AGMO: variants seen among roughly 807,000 people sequenced by gnomAD.
The protein encoded by AGMO is glyceryl-ether monooxygenase.
Under a neutral mutation model 60.2 loss-of-function variants are expected in AGMO, and 75 were observed. The observed-to-expected ratio is 1.25, with a 90% CI of 1.03 to 1.51. AGMO has a LOEUF of 1.51. Among genes scored for constraint, AGMO ranks in the 40% most tolerant of loss-of-function variants. The pLI, the probability that AGMO is intolerant of heterozygous loss-of-function variation, is 0.00. For missense variants in AGMO, 763 were observed against 525.5 expected (o/e 1.45, Z -4.42); for synonymous variants, 261 against 177.1 (o/e 1.47, Z -3.76).
At chr7:15,499,396 C>T (rs1783318773) in intron 3 of AGMO, among the ~76,000 whole-genome samples, 1 of 151,900 alleles carries the variant, frequency 6.6e-6, no homozygotes, top group African/African-American at 2.4e-5. Context: ...TTCATCATTA[C>T]TCTGATCAGA....
rs936856041 is a variant in AGMO at position 15,528,285 on chromosome 7, G to A, written c.409+16487C>T. 2.6e-5 allele frequency among the ~76,000 whole-genome samples: 4 copies of A among 152,080 alleles called. No individual in the cohort carries two copies. The East Asian group carries it at 5.8e-4, about 22-fold the overall frequency. ...TGCACACTTAGTAAACGACAGTGTAGTATTAGTATAAGCATAAATTTTATA... is the reference window on the plus strand; with the variant it reads ...TGCACACTTAGTAAACGACAGTGTAATATTAGTATAAGCATAAATTTTATA... On this transcript the variant is annotated intron_variant, in intron 3 of 12. Coordinates refer to ENST00000342526, the MANE Select transcript of AGMO (RefSeq NM_001004320.2).
intron 12 of AGMO, among the ~76,000 whole-genome samples, chr7:15,303,442 A>C (rs1454949239): frequency 6.6e-6 from 1 of 151,864 alleles, no homozygotes; most frequent in Non-Finnish European, 1.5e-5. Flanking sequence ...AACAGAAAAA[A>C]AAAAGAGAGA....
rs566572458 is a variant in AGMO, at chr7:15,373,657, C to A, written c.1075-7435G>T. Among the ~76,000 whole-genome samples the A allele has an allele frequency of 3.3e-5, 5 of 152,282 alleles. No individual in the cohort carries two copies. In the South Asian group the frequency reaches 1.0e-3, roughly 32 times the overall value. ...AACCTCACAAAGGAGGTATCAAACT[C>A]AGTCACTACATCCTAAAATAACAGT... On this transcript the variant is annotated intron_variant, in intron 10 of 12. Transcript: ENST00000342526.
At chr7:15,532,282 T>C (rs1784388692) in intron 3 of AGMO, among the ~76,000 whole-genome samples, 1 of 152,218 alleles carries the variant, frequency 6.6e-6, no homozygotes. Flanking sequence ...TTGCATTTAA[T>C]GAAAATTTTT....
chr7:15,292,328 C>T (rs1259186381), intron 12 of AGMO, among the ~76,000 whole-genome samples: 2 of 152,084 alleles, frequency 1.3e-5, no homozygotes, highest in Non-Finnish European at 2.9e-5. Flanking sequence ...GTTGAGAGCT[C>T]CCTTGGTGAT....
intron 3 of AGMO, among the ~76,000 whole-genome samples, chr7:15,523,432 C>G (rs889287174): frequency 6.6e-6 from 1 of 152,202 alleles, no homozygotes; most frequent in African/African-American, 2.4e-5. Context: ...GGAACCCACT[C>G]AAATGCCCAT....
intron 4 of AGMO, among the ~76,000 whole-genome samples, chr7:15,429,638 G>A (rs188131850): frequency 6.6e-6 from 1 of 152,072 alleles, no homozygotes; most frequent in Non-Finnish European, 1.5e-5. Context: ...GTCATCACAG[G>A]TGTATGGTGT....
At chr7:15,135,816 A>G in the AGMO span, among the ~76,000 whole-genome samples, 1 of 151,870 alleles carries the variant, frequency 6.6e-6, no homozygotes, top group African/African-American at 2.4e-5. Flanking sequence ...CATAGGAAAG[A>G]TGAGGACTTT....
At chr7:15,446,514 C>A (rs1781702688) in intron 3 of AGMO, among the ~76,000 whole-genome samples, 2 of 152,182 alleles carry the variant, frequency 1.3e-5, no homozygotes, top group Non-Finnish European at 2.9e-5. Flanking sequence ...AAATTGCATT[C>A]TTCTGTAAGG....
intron 3 of AGMO, among the ~76,000 whole-genome samples, chr7:15,487,191 A>C (rs1464930611): frequency 6.6e-6 from 1 of 152,206 alleles, no homozygotes; most frequent in Non-Finnish European, 1.5e-5. Context: ...TTGGTGAAAA[A>C]TTCTAAATGA....
intron 12 of AGMO, among the ~76,000 whole-genome samples, chr7:15,321,420 T>C (rs1253962492): frequency 2.0e-5 from 3 of 152,170 alleles, no homozygotes; most frequent in South Asian, 4.1e-4. Context: ...TGAGAATCTG[T>C]TGGTGGCGAA....
the AGMO span, among the ~76,000 whole-genome samples, chr7:15,190,619 CCTT>C: frequency 2.0e-5 from 3 of 152,018 alleles, no homozygotes; most frequent in Non-Finnish European, 4.4e-5. Context: ...TGTCTGGCTC[CCTT>C]CTAAGGTTGT....
Position 15,234,387 on chromosome 7 carries a change from A to G in AGMO, c.1264-33028T>C, listed in dbSNP as rs148977986. Among the ~76,000 whole-genome samples the G allele has an allele frequency of 3.2e-3, 492 of 152,224 alleles. 4 individuals carry two copies. The highest frequency in any genetic ancestry group is 0.011 in the African/African-American group (474 of 41,534). ...TCCCCCACACAGCAAAAGTCCAAAA[A>G]TATCTTGACTCCTTTATCTGCTGAT... On this transcript the variant is annotated intron_variant, in intron 12 of 12. Coordinates refer to ENST00000342526, the MANE Select transcript of AGMO (RefSeq NM_001004320.2).
the AGMO span, among the ~76,000 whole-genome samples, chr7:15,172,053 T>G: frequency 6.6e-6 from 1 of 152,074 alleles, no homozygotes; most frequent in Non-Finnish European, 1.5e-5. Context: ...TTTTTTAGAT[T>G]CCCACACAAA....
At chr7:15,551,002 G>C (rs1189754102) in intron 2 of AGMO, among the ~76,000 whole-genome samples, 1 of 142,076 alleles carries the variant, frequency 7.0e-6, no homozygotes, top group Middle Eastern at 3.6e-3. Context: ...GGGATGCAAG[G>C]CTGGTTCAAT....
In AGMO at chr7:15,247,806, C is replaced by G. The variant is rs200879774; in HGVS notation, c.1264-46447G>C. 2.6e-5 allele frequency among the ~76,000 whole-genome samples: 4 copies of G among 151,822 alleles called. No individual in the cohort carries two copies. The East Asian group carries it at 7.8e-4, about 30-fold the overall frequency. On this transcript the variant is annotated intron_variant, in intron 12 of 12. Transcript: ENST00000342526. ...AAATTTCCATATACACCAAACCATA[C>G]TAGACAATGGAAATAAGTCAATTCA...
intron 6 of AGMO, among the ~76,000 whole-genome samples, chr7:15,391,196 A>C (rs774109753): frequency 1.7e-4 from 26 of 152,074 alleles, no homozygotes; most frequent in Non-Finnish European, 3.2e-4. Flanking sequence ...TTTTTTCAGG[A>C]CCATTAAAGA....
At chr7:15,554,522 C>T (rs928637577) in intron 2 of AGMO, among the ~76,000 whole-genome samples, 1 of 152,010 alleles carries the variant, frequency 6.6e-6, no homozygotes, top group African/African-American at 2.4e-5. Context: ...ATGAATTCCC[C>T]CAAACAGCAG....
intron 12 of AGMO, among the ~76,000 whole-genome samples, chr7:15,317,993 C>T (rs1472166009): frequency 2.8e-5 from 4 of 145,012 alleles, no homozygotes; most frequent in South Asian, 2.2e-4. Flanking sequence ...TATATATACA[C>T]GTATATATAT....
Sources: gnomAD v4.1 joint callset for allele counts (sites outside exome capture counted in the v4.1 genomes callset) on GRCh38, gnomAD v4.1.1 for gene constraint, MANE v1.5 for transcripts, NCBI Gene and HGNC (gene_info 2026-07-23, HGNC 2026-07-21) for gene names.